Variants in UST observed in about 807,000 individuals in gnomAD.
UST encodes uronyl 2-sulfotransferase, also known as chondroitin sulfate 2-O-sulfotransferase.
In UST, 21 loss-of-function variants were observed where a neutral mutation model predicts 45.6. The ratio of observed to expected loss-of-function variants is 0.46; its 90% CI spans 0.33 to 0.66. The LOEUF is 0.66. Ranked by LOEUF, UST falls within the 30% of genes least tolerant of loss-of-function variation. The pLI is 0.02. For missense variants in UST, 463 were observed against 512.4 expected (o/e 0.90, Z 0.93); for synonymous variants, 215 against 200.6 (o/e 1.07, Z -0.61).
At chr6:148,925,260 A>G (rs1408119220) in intron 2 of UST, among the ~76,000 whole-genome samples, 1 of 152,222 alleles carries the variant, frequency 6.6e-6, no homozygotes, top group East Asian at 1.9e-4. Flanking sequence ...AAGGCAGGAC[A>G]GCAACGGTCT....
chr6:148,974,571 G>A (rs1780980532), intron 5 of UST, among the ~76,000 whole-genome samples: 1 of 152,180 alleles, frequency 6.6e-6, no homozygotes, highest in Non-Finnish European at 1.5e-5. Flanking sequence ...AAATGGAACA[G>A]GTGGGGTCTT....
chr6:148,994,153 G>T (rs1030200958), intron 5 of UST, among the ~76,000 whole-genome samples: 3 of 151,528 alleles, frequency 2.0e-5, no homozygotes, highest in Admixed American at 2.0e-4. Flanking sequence ...TGTATTTTTG[G>T]TAGAGACAAG....
chr6:148,903,792 A>G (rs184895938), intron 2 of UST, among the ~76,000 whole-genome samples: 1 of 152,322 alleles, frequency 6.6e-6, no homozygotes, highest in Non-Finnish European at 1.5e-5. Context: ...CTAAGCTCAG[A>G]GTCTCTGTCA....
chr6:148,836,085 A>G (rs758363653), intron 1 of UST, among the ~76,000 whole-genome samples: 138 of 152,294 alleles, frequency 9.1e-4, no homozygotes, highest in Middle Eastern at 6.8e-3. Flanking sequence ...TTGAACAATC[A>G]GAGTTCATCG....
intron 1 of UST, among the ~76,000 whole-genome samples, chr6:148,881,197 A>G (rs1332266893): frequency 6.6e-6 from 1 of 152,170 alleles, no homozygotes; most frequent in Non-Finnish European, 1.5e-5. Flanking sequence ...TCCTCCGCTT[A>G]CCTGAGGGGC....
intron 4 of UST, 46 bp from the exon 5 acceptor site, chr6:148,964,364 T>C (rs1780736011): frequency 6.2e-7 from 1 of 1,604,688 alleles, no homozygotes; most frequent in Non-Finnish European, 8.5e-7. Context: ...AGGCCCTGTT[T>C]TCGTCCTGCA....
chr6:149,020,704 G>C (rs776957352), intron 6 of UST, among the ~76,000 whole-genome samples: 4 of 152,150 alleles, frequency 2.6e-5, no homozygotes, highest in Non-Finnish European at 5.9e-5. Context: ...CCACTCCCGG[G>C]CTTTTCTCAC....
chr6:148,857,827 C>T (rs895628334), intron 1 of UST, among the ~76,000 whole-genome samples: 1 of 151,572 alleles, frequency 6.6e-6, no homozygotes, highest in Non-Finnish European at 1.5e-5. Context: ...GCTTCTCCAC[C>T]TCTGTTTATT....
intron 1 of UST, among the ~76,000 whole-genome samples, chr6:148,794,184 C>A (rs1212604079): frequency 6.6e-6 from 1 of 152,200 alleles, no homozygotes; most frequent in Admixed American, 6.5e-5. Context: ...TAATTTTTAT[C>A]TCTGTTAGTT....
chr6:149,028,723 C>T (rs1490707361), intron 7 of UST, among the ~76,000 whole-genome samples: 1 of 152,146 alleles, frequency 6.6e-6, no homozygotes, highest in Non-Finnish European at 1.5e-5. Context: ...CACACATAAT[C>T]CAAGTTAATG....
Position 149,048,555 on chromosome 6 carries a change from G to A in UST, c.938-25278G>A, listed in dbSNP as rs558498321. Among the ~76,000 whole-genome samples, 6 of 150,794 alleles carry A rather than the reference G, an allele frequency of 4.0e-5. No individual in the cohort carries two copies. The South Asian group carries it at 1.3e-3, about 32-fold the overall frequency. On this transcript the variant is annotated intron_variant, in intron 7 of 7. Transcript: ENST00000367463. ...TCTCCAAAAAAAAAAAAAAGAGAGA[G>A]AGAGACACAGTAAAGAATAAATATG... is the stretch of plus-strand genomic sequence containing the variant.
chr6:149,008,100 TAGTG>T (rs1171079281), intron 5 of UST, among the ~76,000 whole-genome samples: 1 of 152,196 alleles, frequency 6.6e-6, no homozygotes, highest in East Asian at 1.9e-4. Flanking sequence ...CTAACTTATT[TAGTG>T]AGAGATTTTC....
intron 5 of UST, among the ~76,000 whole-genome samples, chr6:148,969,578 A>C (rs1343790654): frequency 6.6e-6 from 1 of 152,098 alleles, no homozygotes; most frequent in Non-Finnish European, 1.5e-5. Flanking sequence ...AGTGCTTTGG[A>C]AGCTAAAACT....
chr6:148,978,846 T>TAA (rs986854968), intron 5 of UST, among the ~76,000 whole-genome samples: 1 of 151,232 alleles, frequency 6.6e-6, no homozygotes, highest in African/African-American at 2.4e-5. Context: ...AAAATTTTTT[T>TAA]AAAAAAAAAT....
intron 2 of UST, among the ~76,000 whole-genome samples, chr6:148,909,077 ATATAT>A (rs1779425479): frequency 6.6e-6 from 1 of 152,194 alleles, no homozygotes; most frequent in Admixed American, 6.5e-5. Context: ...ATGTGTTTTC[ATATAT>A]TGTTTTGTAT....
In UST at chr6:149,021,433, T is replaced by C; in HGVS notation, c.889T>C (p.Phe297Leu). The change falls in exon 7 of 8, where the codon TTT becomes CTT. Residue 297 changes from phenylalanine (F) to leucine (L), a missense_variant. Transcript: ENST00000367463. ...LEDVLLLLERFLPHYFKGVLS... is the reference protein window; with the variant it reads ...LEDVLLLLERLLPHYFKGVLS... The stretch of plus-strand genomic sequence containing the variant: ...AGATGTGCTGCTGTTACTGGAAAGA[T>C]TTTTACCTCATTACTTCAAGGGCGT... 1 of 1,614,148 alleles carries C rather than the reference T, an allele frequency of 6.2e-7. No homozygotes were observed. The highest frequency in any genetic ancestry group is 1.1e-5 in the South Asian group (1 of 91,070).
intron 1 of UST, among the ~76,000 whole-genome samples, chr6:148,752,119 T>C (rs1776003372): frequency 1.3e-5 from 2 of 152,234 alleles, no homozygotes; most frequent in South Asian, 2.1e-4. Context: ...AATCTTTACG[T>C]ATATTATATA....
At chr6:148,766,363 C>T (rs545368894) in intron 1 of UST, among the ~76,000 whole-genome samples, 11 of 152,204 alleles carry the variant, frequency 7.2e-5, no homozygotes, top group African/African-American at 2.2e-4. Flanking sequence ...CTTGCTCTCA[C>T]CCACTCACCC....
intron 5 of UST, among the ~76,000 whole-genome samples, chr6:148,967,154 G>A (rs990936348): frequency 1.3e-5 from 2 of 152,170 alleles, no homozygotes; most frequent in East Asian, 1.9e-4. Context: ...AGATTGTAGA[G>A]AGATTTCCCT....
Sources: gnomAD v4.1 joint callset for allele counts (sites outside exome capture counted in the v4.1 genomes callset) on GRCh38, gnomAD v4.1.1 for gene constraint, MANE v1.5 for transcripts, NCBI Gene and HGNC (gene_info 2026-07-23, HGNC 2026-07-21) for gene names.